Variants in EYS observed in about 807,000 individuals in gnomAD.
EYS encodes the protein protein eyes shut homolog.
Under a neutral mutation model 282.1 loss-of-function variants are expected in EYS, and 250 were observed. That is an observed-to-expected ratio of 0.89 (90% CI 0.80 to 0.98). EYS has a LOEUF of 0.98. Among genes scored for constraint, EYS ranks in the 50% least tolerant of loss-of-function variants. The pLI is 0.00. For synonymous variants in EYS, 1,355 were observed against 1,282.9 expected (o/e 1.06, Z -1.20); for missense variants, 4,016 against 3,709.0 (o/e 1.08, Z -2.15).
chr6:65,311,834 T>C (rs941789522), intron 11 of EYS, among the ~76,000 whole-genome samples: 2 of 152,188 alleles, frequency 1.3e-5, no homozygotes, highest in African/African-American at 4.8e-5. Context: ...TTACTAAACT[T>C]AGCAAATAAA....
intron 26 of EYS, among the ~76,000 whole-genome samples, chr6:64,580,492 G>A (rs926504745): frequency 6.6e-6 from 1 of 152,112 alleles, no homozygotes; most frequent in East Asian, 1.9e-4. Context: ...GCACTGAAGT[G>A]CAGAGTTGTG....
intron 15 of EYS, among the ~76,000 whole-genome samples, chr6:64,914,808 AT>A (rs965089604): frequency 3.0e-4 from 46 of 151,768 alleles, no homozygotes; most frequent in Non-Finnish European, 2.7e-4. Context: ...AGCTGTCTAA[AT>A]TTTTTTTTAA....
At chr6:65,579,897 AC>A (rs1764812049) in intron 2 of EYS, among the ~76,000 whole-genome samples, 1 of 151,694 alleles carries the variant, frequency 6.6e-6, no homozygotes, top group Non-Finnish European at 1.5e-5. Context: ...TTCTCACTCT[AC>A]TCTTTTGTAA....
intron 26 of EYS, among the ~76,000 whole-genome samples, chr6:64,579,270 G>T (rs1246140388): frequency 3.9e-5 from 6 of 152,112 alleles, no homozygotes; most frequent in Non-Finnish European, 8.8e-5. Flanking sequence ...CTGAAGGCCT[G>T]AAGGACAAAA....
chr6:64,737,444 C>G (rs1184682541), intron 22 of EYS, among the ~76,000 whole-genome samples: 1 of 152,118 alleles, frequency 6.6e-6, no homozygotes, highest in East Asian at 1.9e-4. Context: ...AATTCATTAT[C>G]CAATGATCAT....
intron 33 of EYS, among the ~76,000 whole-genome samples, chr6:64,010,210 A>C (rs1768544761): frequency 6.6e-6 from 1 of 152,236 alleles, no homozygotes; most frequent in South Asian, 2.1e-4. Context: ...GGGTGGCAGC[A>C]GCAGGATCTG....
At chr6:65,146,859 G>A (rs1467954719) in intron 12 of EYS, among the ~76,000 whole-genome samples, 1 of 151,854 alleles carries the variant, frequency 6.6e-6, no homozygotes, top group East Asian at 1.9e-4. Context: ...TCCCTAATAT[G>A]AATGATTCAA....
chr6:64,783,838 C>T (rs963568913), intron 22 of EYS, among the ~76,000 whole-genome samples: 1 of 152,176 alleles, frequency 6.6e-6, no homozygotes, highest in Non-Finnish European at 1.5e-5. Flanking sequence ...AAAGTAGATT[C>T]GAACTTTCTT....
chr6:65,046,328 T>G (rs2350289), intron 13 of EYS, among the ~76,000 whole-genome samples: 10,862 of 151,892 alleles, frequency 0.072, 461 homozygotes, highest in East Asian at 0.13. Context: ...TCAACATTGG[T>G]ACAGTGATAA....
intron 35 of EYS, among the ~76,000 whole-genome samples, chr6:63,960,096 T>C (rs1765993974): frequency 6.6e-6 from 1 of 151,812 alleles, no homozygotes; most frequent in Non-Finnish European, 1.5e-5. Context: ...TTGATGGATC[T>C]AGGAAAAGTT....
intron 14 of EYS, among the ~76,000 whole-genome samples, chr6:64,963,447 T>C (rs1769990888): frequency 6.6e-6 from 1 of 152,176 alleles, no homozygotes; most frequent in Admixed American, 6.5e-5. Context: ...TTCTTTTGAC[T>C]CTGAAAGATG....
chr6:64,573,039 A>G (rs1396818622), intron 26 of EYS, among the ~76,000 whole-genome samples: 3 of 152,130 alleles, frequency 2.0e-5, no homozygotes, highest in South Asian at 2.1e-4. Context: ...CAAGGCTACC[A>G]TTACCAAAAC....
chr6:64,000,168 CTTTTTTTTTTTTTTTTTTTTTTT>C (rs71551553), intron 33 of EYS, among the ~76,000 whole-genome samples: 911 of 42,728 alleles, frequency 0.021, 25 homozygotes, highest in African/African-American at 0.072. Flanking sequence ...AGACATGGGA[CTTTTTTTTTTTTTTTTTTTTTTT>C]TTTTTTTTTT....
chr6:65,287,345 T>A (rs1393411236), intron 12 of EYS, among the ~76,000 whole-genome samples: 1 of 151,440 alleles, frequency 6.6e-6, no homozygotes, highest in African/African-American at 2.4e-5. Flanking sequence ...TATTTGGTCA[T>A]TTCCCTTGGG....
intron 31 of EYS, among the ~76,000 whole-genome samples, chr6:64,176,507 G>A (rs1024404829): frequency 4.0e-5 from 6 of 151,820 alleles, no homozygotes; most frequent in Admixed American, 3.9e-4. Context: ...GATTGTGTGT[G>A]TGTGTGTGTG....
intron 30 of EYS, among the ~76,000 whole-genome samples, chr6:64,294,735 A>T (rs989799160): frequency 6.6e-6 from 1 of 152,226 alleles, no homozygotes; most frequent in Non-Finnish European, 1.5e-5. Flanking sequence ...ATGGCTTAGT[A>T]TGATACAAAT....
intron 13 of EYS, among the ~76,000 whole-genome samples, chr6:65,006,625 A>T (rs1325536062): frequency 3.3e-5 from 5 of 152,162 alleles, no homozygotes; most frequent in African/African-American, 9.6e-5. Context: ...TTAACCCAGC[A>T]GATTTCCTAA....
At chr6:65,396,759 C>T (rs1422778872) in intron 7 of EYS, among the ~76,000 whole-genome samples, 3 of 152,022 alleles carry the variant, frequency 2.0e-5, no homozygotes, top group Non-Finnish European at 4.4e-5. Context: ...TTTCATTAGA[C>T]ATTTTTGCTT....
chr6:64,253,396 T>C (rs745581181), intron 30 of EYS, among the ~76,000 whole-genome samples: 2 of 152,156 alleles, frequency 1.3e-5, no homozygotes, highest in Non-Finnish European at 2.9e-5. Context: ...TGTTTGAAAG[T>C]CACATCTTCT....
Sources: allele counts gnomAD v4.1 joint callset (sites outside exome capture counted in the v4.1 genomes callset), GRCh38; gene constraint gnomAD v4.1.1; transcripts MANE v1.5; gene names NCBI Gene and HGNC (gene_info 2026-07-23, HGNC 2026-07-21).